The following COL13A1 variants were observed in gnomAD, a reference collection of about 807,000 sequenced individuals.
COL13A1 encodes the protein collagen alpha-1(XIII) chain.
COL13A1 carries 89 observed loss-of-function variants against 130.9 expected under a neutral mutation model. That is an observed-to-expected ratio of 0.68 (90% CI 0.57 to 0.81). The LOEUF is 0.81. COL13A1 is among the 30% of genes least tolerant of loss of function. The probability of loss-of-function intolerance (pLI) is 0.00; values close to 1 mark genes in which losing one functional copy is unlikely to be tolerated. For missense variants in COL13A1, 879 were observed against 934.6 expected (o/e 0.94, Z 0.78); for synonymous variants, 402 against 341.6 (o/e 1.18, Z -1.95).
At chr10:69,853,994 A>C (rs181156829) in intron 2 of COL13A1, among the ~76,000 whole-genome samples, 1 of 152,332 alleles carries the variant, frequency 6.6e-6, no homozygotes, top group Admixed American at 6.5e-5. Context: ...ATGTCAGAAA[A>C]ACAAACTAAA....
chr10:69,837,293 C>T (rs999935717), intron 2 of COL13A1, among the ~76,000 whole-genome samples: 4 of 152,162 alleles, frequency 2.6e-5, no homozygotes, highest in African/African-American at 9.7e-5. Context: ...GGTCTCTGTA[C>T]GGTTCTAGTT....
chr10:69,817,697 G>C (rs749961104), intron 1 of COL13A1, among the ~76,000 whole-genome samples: 5 of 152,022 alleles, frequency 3.3e-5, no homozygotes, highest in Admixed American at 2.6e-4. Flanking sequence ...GTGCAGACAG[G>C]GGGTGGTGAT....
chr10:69,925,926 C>G (rs1178275908), intron 26 of COL13A1, 54 bp downstream of exon 26: 2 of 1,450,446 alleles, frequency 1.4e-6, no homozygotes, highest in East Asian at 4.9e-5. Context: ...AGGCTCTGCA[C>G]CATGCCCTGA....
chr10:69,929,890 G>T (rs1298203374), intron 28 of COL13A1, among the ~76,000 whole-genome samples, 153 bp from the exon 29 acceptor site: 1 of 152,224 alleles, frequency 6.6e-6, no homozygotes, highest in African/African-American at 2.4e-5. Context: ...GAGAGGCAAT[G>T]CAAATTCATA....
chr10:69,856,351 T>C (rs1856435037), intron 2 of COL13A1, among the ~76,000 whole-genome samples: 1 of 152,172 alleles, frequency 6.6e-6, no homozygotes, highest in Non-Finnish European at 1.5e-5. Context: ...GTCTCCACCA[T>C]GCCCTATCAC....
At chr10:69,815,240 C>T (rs879167508) in intron 1 of COL13A1, among the ~76,000 whole-genome samples, 8 of 152,292 alleles carry the variant, frequency 5.3e-5, no homozygotes, top group East Asian at 1.9e-4. Context: ...TGAGCTAGGA[C>T]GTTTTAAGAG....
intron 1 of COL13A1, among the ~76,000 whole-genome samples, chr10:69,803,289 T>TGAA (rs1164886521): frequency 6.6e-6 from 1 of 152,262 alleles, no homozygotes; most frequent in South Asian, 2.1e-4. Context: ...GGCCACAAAT[T>TGAA]AGTCCACACC....
chr10:69,918,472 G>C (rs985606539), intron 19 of COL13A1, among the ~76,000 whole-genome samples, 155 bp downstream of exon 19: 1 of 152,198 alleles, frequency 6.6e-6, no homozygotes, highest in African/African-American at 2.4e-5. Context: ...ATTTGTGCCA[G>C]GTGCATAACC....
intron 14 of COL13A1, among the ~76,000 whole-genome samples, chr10:69,902,220 T>C (rs957134542): frequency 6.6e-6 from 1 of 152,212 alleles, no homozygotes; most frequent in African/African-American, 2.4e-5. Context: ...CCAAATAAAA[T>C]TCCATGGGCT....
At chr10:69,883,314 C>T (rs994808903) in intron 7 of COL13A1, among the ~76,000 whole-genome samples, 2 of 152,188 alleles carry the variant, frequency 1.3e-5, no homozygotes, top group Non-Finnish European at 2.9e-5. Flanking sequence ...AATGCCCTAC[C>T]TCAAAGTGTG....
intron 28 of COL13A1, 65 bp downstream of exon 28, chr10:69,929,064 C>A (rs2065765894): frequency 8.0e-7 from 1 of 1,254,232 alleles, no homozygotes; most frequent in Non-Finnish European, 1.1e-6. Flanking sequence ...GGCTTCCCCT[C>A]CCCCTGTGAC....
At chr10:69,854,727 G>C (rs1855920664) in intron 2 of COL13A1, among the ~76,000 whole-genome samples, 1 of 152,090 alleles carries the variant, frequency 6.6e-6, no homozygotes, top group Non-Finnish European at 1.5e-5. Context: ...ATTGGTTGTG[G>C]TTGCCAAGAA....
chr10:69,941,085 T>C, intron 35 of COL13A1, 62 bp downstream of exon 35: 1 of 1,610,834 alleles, frequency 6.2e-7, no homozygotes, highest in East Asian at 2.2e-5. Flanking sequence ...CTGTGATCCC[T>C]TTTGTCTGTC....
intron 34 of COL13A1, among the ~76,000 whole-genome samples, chr10:69,940,572 C>G (rs937103678): frequency 3.3e-5 from 5 of 152,206 alleles, no homozygotes; most frequent in Non-Finnish European, 7.3e-5. Context: ...CCTGGGGCCC[C>G]TCCCCAGTGA....
chr10:69,858,115 C>CA (rs573668102), intron 2 of COL13A1, among the ~76,000 whole-genome samples: 27,199 of 80,068 alleles, frequency 0.34, 5,869 homozygotes, highest in East Asian at 0.67. Flanking sequence ...GACTCCGTCT[C>CA]AAAAAAAAAA....
chr10:69,927,133 T>C, intron 27 of COL13A1, 23 bp downstream of exon 27: 1 of 1,606,566 alleles, frequency 6.2e-7, no homozygotes, highest in Non-Finnish European at 8.5e-7. Context: ...CCTCCTGGCT[T>C]TCCTTGGGCA....
intron 1 of COL13A1, among the ~76,000 whole-genome samples, chr10:69,808,881 G>A (rs1317314321): frequency 1.3e-5 from 2 of 152,194 alleles, no homozygotes; most frequent in African/African-American, 2.4e-5. Context: ...TTGCTCAGGG[G>A]GTGTTTCTCA....
chr10:69,925,958 C>T, intron 26 of COL13A1, 86 bp downstream of exon 26: 1 of 1,135,160 alleles, frequency 8.8e-7, no homozygotes. Context: ...TTCCACACAG[C>T]CGAGTAGGGG....
intron 40 of COL13A1, among the ~76,000 whole-genome samples, chr10:69,957,418 A>G (rs776816553): frequency 6.6e-6 from 1 of 152,174 alleles, no homozygotes; most frequent in Non-Finnish European, 1.5e-5. Flanking sequence ...GACGTAGGAC[A>G]TCTCAGTTGC....
Sources: allele counts gnomAD v4.1 joint callset (sites outside exome capture counted in the v4.1 genomes callset), GRCh38; gene constraint gnomAD v4.1.1; transcripts MANE v1.5; gene names NCBI Gene and HGNC (gene_info 2026-07-23, HGNC 2026-07-21).